SDHA: variants seen among roughly 807,000 people sequenced by gnomAD.
The protein encoded by SDHA is succinate dehydrogenase [ubiquinone] flavoprotein subunit, mitochondrial.
Under a neutral mutation model 78.4 loss-of-function variants are expected in SDHA, and 48 were observed. The ratio of observed to expected loss-of-function variants is 0.61; its 90% CI spans 0.49 to 0.78. SDHA has a LOEUF of 0.78. SDHA is among the 30% of genes least tolerant of loss of function. The pLI, the probability that SDHA is intolerant of heterozygous loss-of-function variation, is 0.00. For missense variants in SDHA, 680 were observed against 892.7 expected (o/e 0.76, Z 3.04); for synonymous variants, 326 against 353.9 (o/e 0.92, Z 0.88).
chr5:258,777 C>T (rs1737376368), downstream of SDHA, among the ~76,000 whole-genome samples: 1 of 100,464 alleles, frequency 1.0e-5, no homozygotes, highest in Non-Finnish European at 1.8e-5. Flanking sequence ...CCCGCCACAG[C>T]ATTACCGTGT....
At chr5:243,729 T>C (rs1393028459) in intron 11 of SDHA, among the ~76,000 whole-genome samples, 1 of 152,148 alleles carries the variant, frequency 6.6e-6, no homozygotes, top group East Asian at 1.9e-4. Flanking sequence ...CTTTCGACAA[T>C]GCTAATCCCG....
At chr5:245,571 C>T (rs1736393393) in intron 11 of SDHA, among the ~76,000 whole-genome samples, 1 of 152,148 alleles carries the variant, frequency 6.6e-6, no homozygotes, top group South Asian at 2.1e-4. Flanking sequence ...TTTGTGCTGC[C>T]CCTACTCGAG....
intron 10 of SDHA, 80 bp from the exon 11 acceptor site, chr5:240,278 A>G (rs557057185): frequency 3.5e-6 from 3 of 857,790 alleles, no homozygotes; most frequent in South Asian, 1.4e-5. Flanking sequence ...GCTGTGCTAC[A>G]TGTTTGTGTG....
At position 256,817 on chromosome 5, in the gene SDHA, CTTTTTCTTTTCTTTTT is replaced by C. The variant is rs1359732892; in HGVS notation, c.*403_*418del. 2 of 238,322 alleles carry C rather than the reference CTTTTTCTTTTCTTTTT, an allele frequency of 8.4e-6. No individual in the cohort carries two copies. The highest frequency in any genetic ancestry group is 1.5e-5 in the Non-Finnish European group (2 of 130,652). 14.8% of individuals were successfully genotyped at this position (238,322 alleles called of 1,614,324 possible). ...AGATATTTTGTATAGTTTCTTTTTT[CTTTTTCTTTTCTTTTT>C]TTTTTTTGAGACAGGATCGGTGCAG... On this transcript the variant is annotated 3_prime_UTR_variant, in exon 15 of 15. Coordinates refer to ENST00000264932, the MANE Select transcript of SDHA (RefSeq NM_004168.4).
At chr5:251,305 G>A (rs1809232) in intron 12 of SDHA, 33 bp from the exon 13 acceptor site, 13 of 1,605,866 alleles carry the variant, frequency 8.1e-6, no homozygotes, top group South Asian at 2.2e-5. Context: ...ACTGGGTCCC[G>A]CCTGCCCCTG....
At chr5:238,504 C>T (rs923434620) in intron 10 of SDHA, among the ~76,000 whole-genome samples, 3 of 150,436 alleles carry the variant, frequency 2.0e-5, no homozygotes, top group African/African-American at 7.4e-5. Flanking sequence ...TGCAGTGGTA[C>T]GATCAGGTGC....
intron 8 of SDHA, chr5:233,930 C>G: frequency 4.8e-6 from 2 of 419,274 alleles, no homozygotes; most frequent in South Asian, 4.4e-5. Flanking sequence ...AACCTGAAGT[C>G]GGCATGTGAG....
chr5:247,772 C>T (rs1736554676), intron 11 of SDHA, among the ~76,000 whole-genome samples: 2 of 152,206 alleles, frequency 1.3e-5, no homozygotes, highest in South Asian at 4.1e-4. Context: ...TGGTAATTGG[C>T]ATTCTAGCTT....
chr5:266,924 T>C, the SDHA span, among the ~76,000 whole-genome samples: 1 of 152,258 alleles, frequency 6.6e-6, no homozygotes, highest in Non-Finnish European at 1.5e-5. Context: ...GGCCGCTGTG[T>C]CTAAGATATT....
intron 6 of SDHA, among the ~76,000 whole-genome samples, chr5:230,621 A>G (rs908118017): frequency 6.9e-6 from 1 of 145,462 alleles, no homozygotes; most frequent in Non-Finnish European, 1.5e-5. Context: ...GTTAGATCCT[A>G]TCTCAAAATA....
At chr5:239,892 C>G (rs796297638) in intron 10 of SDHA, among the ~76,000 whole-genome samples, 25 of 152,014 alleles carry the variant, frequency 1.6e-4, no homozygotes, top group Middle Eastern at 3.4e-3. Context: ...GCCTCAGCCT[C>G]CCGAGTAGCT....
intron 11 of SDHA, among the ~76,000 whole-genome samples, chr5:246,907 CA>C (rs1736501929): frequency 6.6e-6 from 1 of 152,212 alleles, no homozygotes; most frequent in South Asian, 2.1e-4. Context: ...GGCACAAATA[CA>C]GCAAGATTTT....
chr5:249,618 A>T (rs1426149154), intron 11 of SDHA: 2 of 152,372 alleles, frequency 1.3e-5, no homozygotes, highest in Non-Finnish European at 2.9e-5. Flanking sequence ...ACTTTTAGTA[A>T]ATCTTATCAC....
intron 8 of SDHA, chr5:234,218 G>C: frequency 6.2e-6 from 1 of 161,876 alleles, no homozygotes; most frequent in Non-Finnish European, 1.4e-5. Flanking sequence ...AGGAGATCGA[G>C]ACCATCCTGG....
intron 5 of SDHA, 116 bp from the exon 6 acceptor site, chr5:228,069 G>A: frequency 9.7e-7 from 1 of 1,029,192 alleles, no homozygotes; most frequent in Admixed American, 1.9e-5. Flanking sequence ...GATCTCCTTG[G>A]ATTTACCTGG....
At chr5:238,447 A>ATT (rs55756087) in intron 10 of SDHA, among the ~76,000 whole-genome samples, 16 of 148,760 alleles carry the variant, frequency 1.1e-4, no homozygotes, top group African/African-American at 4.0e-4. Context: ...ATATATATGT[A>ATT]TTTTTTTTTT....
intron 13 of SDHA, among the ~76,000 whole-genome samples, chr5:253,922 T>C (rs13180377): frequency 6.6e-6 from 1 of 151,980 alleles, no homozygotes; most frequent in African/African-American, 2.4e-5. Flanking sequence ...GAGCCAGGTG[T>C]GGTGGTAGCA....
chr5:259,567 T>A (rs1243118024), downstream of SDHA, among the ~76,000 whole-genome samples: 1 of 23,764 alleles, frequency 4.2e-5, no homozygotes, highest in Non-Finnish European at 7.3e-5. Flanking sequence ...CCGCCTCCCG[T>A]CACAGCATTA....
intron 10 of SDHA, among the ~76,000 whole-genome samples, chr5:238,380 G>C (rs1339365922): frequency 6.6e-6 from 1 of 151,090 alleles, no homozygotes; most frequent in Admixed American, 6.6e-5. Context: ...AAAAATGCTT[G>C]TAGCATCACT....
Sources: gnomAD v4.1 joint callset for allele counts (sites outside exome capture counted in the v4.1 genomes callset) on GRCh38, gnomAD v4.1.1 for gene constraint, MANE v1.5 for transcripts, NCBI Gene and HGNC (gene_info 2026-07-23, HGNC 2026-07-21) for gene names.